MGST1: variants seen among roughly 807,000 people sequenced by gnomAD.
MGST1 encodes the protein microsomal glutathione S-transferase 1.
In MGST1, 5 loss-of-function variants were observed where a neutral mutation model predicts 8.9. The observed-to-expected ratio is 0.56, with a 90% CI of 0.29 to 1.19. The LOEUF is 1.19. Ranked by LOEUF, MGST1 falls within the 50% of genes most tolerant of loss-of-function variation. MGST1 has a pLI of 0.08. For missense variants in MGST1, 182 were observed against 187.4 expected (o/e 0.97, Z 0.17); for synonymous variants, 54 against 67.8 (o/e 0.80, Z 1.00).
At chr12:16,430,411 G>C (rs1344815775) in intron 1 of MGST1, among the ~76,000 whole-genome samples, 1 of 152,080 alleles carries the variant, frequency 6.6e-6, no homozygotes, top group Non-Finnish European at 1.5e-5. Context: ...ATCCATCAGA[G>C]GAATCACTAA....
At position 16,517,893 on chromosome 12, in the gene MGST1, G is replaced by T. The variant is rs1262661171; in HGVS notation, n.483-71635G>T. ...TAAGTTCTTGATTAATGTACATTTA[G>T]CCTTAAAGAGATGCATTTTCATTTG... On this transcript the variant is annotated intron_variant and non_coding_transcript_variant, in intron 4 of 4. Transcript: ENST00000538857. This position sits in a 1 kb window ranked among gnomAD's most constrained non-coding sequence, Gnocchi z 4.2. Among the ~76,000 whole-genome samples, 1 of 152,146 alleles carries T rather than the reference G, an allele frequency of 6.6e-6. No homozygotes were observed. The highest frequency in any genetic ancestry group is 1.5e-5 in the Non-Finnish European group (1 of 68,022).
At chr12:16,398,437 T>A (rs1393549845) in intron 1 of MGST1, among the ~76,000 whole-genome samples, 1 of 152,202 alleles carries the variant, frequency 6.6e-6, no homozygotes, top group Non-Finnish European at 1.5e-5. Flanking sequence ...CTCCTCAGGG[T>A]ATTCTAGGCC....
chr12:16,518,921 A>C (rs915839436), intron 4 of MGST1, among the ~76,000 whole-genome samples: 27 of 152,224 alleles, frequency 1.8e-4, no homozygotes, highest in Non-Finnish European at 2.9e-5. Context: ...CCAGAACTAA[A>C]TAGGGAATTC....
At chr12:16,349,415 G>A (rs1350395783) in intron 1 of MGST1, among the ~76,000 whole-genome samples, 1 of 152,114 alleles carries the variant, frequency 6.6e-6, no homozygotes, top group African/African-American at 2.4e-5. Context: ...GACAAGGAAA[G>A]GCCTCCAGAA....
intron 4 of MGST1, among the ~76,000 whole-genome samples, chr12:16,462,551 C>T (rs1941228583): frequency 4.0e-5 from 2 of 50,028 alleles, no homozygotes; most frequent in South Asian, 5.3e-4. Context: ...GCACTTTACC[C>T]CCCCAAAAAA....
intron 4 of MGST1, among the ~76,000 whole-genome samples, chr12:16,558,813 G>C (rs567088205): frequency 3.9e-5 from 6 of 152,130 alleles, no homozygotes; most frequent in Non-Finnish European, 5.9e-5. Flanking sequence ...AAATTATAAA[G>C]ATAACTAACT....
At chr12:16,420,800 G>T (rs937179399) in intron 1 of MGST1, among the ~76,000 whole-genome samples, 3 of 152,160 alleles carry the variant, frequency 2.0e-5, no homozygotes, top group African/African-American at 7.2e-5. Flanking sequence ...ACCATTAGCT[G>T]AGGCTTCTTA....
intron 4 of MGST1, among the ~76,000 whole-genome samples, chr12:16,454,667 G>A (rs1941156100): frequency 6.6e-6 from 1 of 151,652 alleles, no homozygotes; most frequent in Admixed American, 6.6e-5. Flanking sequence ...TGACGTCACA[G>A]AATAACCTGT....
intron 4 of MGST1, chr12:16,514,499 C>G: frequency 3.8e-6 from 1 of 259,848 alleles, no homozygotes; most frequent in Non-Finnish European, 7.8e-6. Context: ...GGCCACACAT[C>G]ACTGCCCAAA....
intron 4 of MGST1, among the ~76,000 whole-genome samples, chr12:16,506,614 A>G (rs116073550): frequency 0.011 from 1,649 of 152,298 alleles, 36 homozygotes; most frequent in African/African-American, 0.038. Context: ...CATACTGGCC[A>G]TCTGTTTTTG....
intron 4 of MGST1, among the ~76,000 whole-genome samples, chr12:16,452,749 A>G (rs1941140009): frequency 6.6e-6 from 1 of 151,892 alleles, no homozygotes; most frequent in African/African-American, 2.4e-5. Flanking sequence ...ATGTTTTAAA[A>G]AATATTCTGA....
chr12:16,554,882 T>G (rs915949395), intron 4 of MGST1, among the ~76,000 whole-genome samples: 16 of 151,998 alleles, frequency 1.1e-4, no homozygotes, highest in African/African-American at 3.9e-4. Context: ...ATGGTCTCGA[T>G]CTCCCAACCT....
At chr12:16,523,262 A>T (rs868532039) in intron 4 of MGST1, among the ~76,000 whole-genome samples, 1 of 152,104 alleles carries the variant, frequency 6.6e-6, no homozygotes, top group African/African-American at 2.4e-5. Flanking sequence ...AGTCTTAGTA[A>T]ATCTGATCCT....
intron 4 of MGST1, among the ~76,000 whole-genome samples, chr12:16,566,035 T>C (rs1565488377): frequency 1.2e-5 from 1 of 85,754 alleles, no homozygotes; most frequent in East Asian, 3.7e-4. Flanking sequence ...TATATATATA[T>C]ATATAAAATG....
chr12:16,592,588 C>G, downstream of MGST1, among the ~76,000 whole-genome samples: 1 of 151,818 alleles, frequency 6.6e-6, no homozygotes, highest in Non-Finnish European at 1.5e-5. Flanking sequence ...TCCTACCCAC[C>G]CAGGTAAAGG....
chr12:16,523,717 T>G (rs1941663668), intron 4 of MGST1, among the ~76,000 whole-genome samples: 1 of 152,086 alleles, frequency 6.6e-6, no homozygotes, highest in African/African-American at 2.4e-5. Flanking sequence ...TAGGCGTTGT[T>G]GTAAAGAAGA....
intron 4 of MGST1, among the ~76,000 whole-genome samples, chr12:16,579,812 A>G (rs1023595971): frequency 2.0e-5 from 3 of 152,238 alleles, no homozygotes. Context: ...ATACCAGCTT[A>G]TAAATGTAGA....
intron 1 of MGST1, among the ~76,000 whole-genome samples, chr12:16,390,895 C>T (rs1002706109): frequency 1.3e-5 from 2 of 152,058 alleles, no homozygotes; most frequent in African/African-American, 2.4e-5. Flanking sequence ...CTTCTTTCCA[C>T]AATGGTTGAA....
chr12:16,518,198 A>C (rs11056973), intron 4 of MGST1, among the ~76,000 whole-genome samples: 7,138 of 152,232 alleles, frequency 0.047, 437 homozygotes, highest in East Asian at 0.17. Flanking sequence ...CAACTCTGCT[A>C]TTCAGTGACA....
Sources: gnomAD v4.1 joint callset for allele counts (sites outside exome capture counted in the v4.1 genomes callset) on GRCh38, gnomAD v4.1.1 for gene constraint, Gnocchi (gnomAD v3.1) non-coding constraint, MANE v1.5 for transcripts, NCBI Gene and HGNC (gene_info 2026-07-23, HGNC 2026-07-21) for gene names.